The following SAMMSON variants were observed in gnomAD, a reference collection of about 807,000 sequenced individuals.
The protein encoded by SAMMSON is long intergenic non-protein coding RNA 1212.
chr3:70,378,805 G>A (rs1384751057), intron 9 of SAMMSON, among the ~76,000 whole-genome samples: 3 of 151,882 alleles, frequency 2.0e-5, no homozygotes, highest in Non-Finnish European at 2.9e-5. Context: ...CATATGCAAT[G>A]ACAAAAATAG....
intron 7 of SAMMSON, among the ~76,000 whole-genome samples, chr3:70,293,324 A>G (rs907656025): frequency 3.3e-5 from 5 of 152,146 alleles, no homozygotes; most frequent in African/African-American, 7.2e-5. Flanking sequence ...ACTGTGATAT[A>G]GTTGTATATG....
intron 6 of SAMMSON, among the ~76,000 whole-genome samples, chr3:70,278,845 A>G (rs1702053990): frequency 6.6e-6 from 1 of 151,944 alleles, no homozygotes; most frequent in Non-Finnish European, 1.5e-5. Context: ...AGCCACCTCA[A>G]ATCAAAGGGT....
At chr3:70,166,189 TATG>T (rs1209105186) in intron 4 of SAMMSON, among the ~76,000 whole-genome samples, 4 of 152,120 alleles carry the variant, frequency 2.6e-5, no homozygotes, top group Non-Finnish European at 2.9e-5. Flanking sequence ...AGCTCTGCAG[TATG>T]ATATTAGGCA....
At chr3:70,218,320 T>C (rs1701433615) in intron 4 of SAMMSON, among the ~76,000 whole-genome samples, 1 of 152,178 alleles carries the variant, frequency 6.6e-6, no homozygotes, top group South Asian at 2.1e-4. Context: ...TGTGTATGCA[T>C]GTGCACATGG....
At chr3:70,374,000 C>T (rs902698657) in intron 9 of SAMMSON, among the ~76,000 whole-genome samples, 10 of 152,126 alleles carry the variant, frequency 6.6e-5, no homozygotes, top group East Asian at 1.9e-4. Flanking sequence ...CTGCAACCTC[C>T]GCCTCCCAGG....
At chr3:70,101,397 T>A (rs932749956) in intron 4 of SAMMSON, among the ~76,000 whole-genome samples, 15 of 150,886 alleles carry the variant, frequency 9.9e-5, no homozygotes, top group Admixed American at 9.2e-4. Context: ...ACATTTTTTA[T>A]GAAAAAAAAA....
At chr3:70,233,633 C>T (rs1023916781) in intron 4 of SAMMSON, among the ~76,000 whole-genome samples, 14 of 152,288 alleles carry the variant, frequency 9.2e-5, no homozygotes, top group Non-Finnish European at 1.5e-4. Context: ...TTCCCTATGT[C>T]CTTTTGTAAT....
At chr3:70,077,404 A>G (rs1250260629) in intron 4 of SAMMSON, among the ~76,000 whole-genome samples, 1 of 152,194 alleles carries the variant, frequency 6.6e-6, no homozygotes, top group African/African-American at 2.4e-5. Flanking sequence ...ATAACACTAT[A>G]TGTTTTTTGA....
intron 4 of SAMMSON, among the ~76,000 whole-genome samples, chr3:70,153,647 T>C (rs2067580311): frequency 6.6e-6 from 1 of 152,034 alleles, no homozygotes; most frequent in Non-Finnish European, 1.5e-5. Flanking sequence ...CTATATTAAA[T>C]ATATTCTATA....
intron 2 of SAMMSON, among the ~76,000 whole-genome samples, chr3:70,397,853 C>T (rs1043054413): frequency 6.6e-6 from 1 of 152,164 alleles, no homozygotes; most frequent in African/African-American, 2.4e-5. Flanking sequence ...ATTAGACAAA[C>T]TATAACACTA....
At chr3:70,246,684 C>T (rs1701710616) in intron 4 of SAMMSON, among the ~76,000 whole-genome samples, 1 of 151,878 alleles carries the variant, frequency 6.6e-6, no homozygotes, top group Non-Finnish European at 1.5e-5. Context: ...GGACACAATA[C>T]TAAAAAAAAT....
At chr3:70,132,694 C>G (rs2067487210) in intron 4 of SAMMSON, among the ~76,000 whole-genome samples, 1 of 150,802 alleles carries the variant, frequency 6.6e-6, no homozygotes, top group Non-Finnish European at 1.5e-5. Context: ...ATAATCCCAG[C>G]ACTTTCGGAG....
intron 3 of SAMMSON, among the ~76,000 whole-genome samples, chr3:70,032,807 A>T (rs576297355): frequency 6.6e-6 from 1 of 152,208 alleles, no homozygotes; most frequent in Non-Finnish European, 1.5e-5. Flanking sequence ...ACTACAATCA[A>T]CTATAGGAAG....
intron 2 of SAMMSON, among the ~76,000 whole-genome samples, chr3:70,406,698 A>G (rs1480118183): frequency 6.6e-6 from 1 of 152,246 alleles, no homozygotes; most frequent in African/African-American, 2.4e-5. Flanking sequence ...TCATTAAAAT[A>G]TAAAGCAAAT....
At chr3:70,026,161 T>A (rs2067036368) in intron 3 of SAMMSON, among the ~76,000 whole-genome samples, 1 of 152,230 alleles carries the variant, frequency 6.6e-6, no homozygotes, top group South Asian at 2.1e-4. Context: ...GGTGCTAAGT[T>A]ATTTTATGAA....
chr3:70,403,609 C>T (rs938901615), intron 2 of SAMMSON, among the ~76,000 whole-genome samples: 10 of 152,198 alleles, frequency 6.6e-5, no homozygotes, highest in African/African-American at 2.2e-4. Flanking sequence ...TTTTCTATGG[C>T]CCCTTTCACA....
At chr3:70,322,933 A>C (rs1702548367) in intron 7 of SAMMSON, among the ~76,000 whole-genome samples, 1 of 152,148 alleles carries the variant, frequency 6.6e-6, no homozygotes, top group South Asian at 2.1e-4. Context: ...AATGTTATAC[A>C]AATTCTAAGG....
chr3:70,123,104 C>A (rs1054115888), intron 4 of SAMMSON, among the ~76,000 whole-genome samples: 9 of 152,264 alleles, frequency 5.9e-5, no homozygotes, highest in Admixed American at 2.6e-4. Context: ...TGTTAGAGCA[C>A]AGATGATGGG....
chr3:70,112,412 G>C (rs549750067), intron 4 of SAMMSON, among the ~76,000 whole-genome samples: 189 of 152,178 alleles, frequency 1.2e-3, no homozygotes, highest in Non-Finnish European at 1.1e-3. Context: ...CTAAAGGAGG[G>C]GCTTCGGGGA....
Sources: gnomAD v4.1 joint callset for allele counts (sites outside exome capture counted in the v4.1 genomes callset) on GRCh38, gnomAD v4.1.1 for gene constraint, MANE v1.5 for transcripts, NCBI Gene and HGNC (gene_info 2026-07-23, HGNC 2026-07-21) for gene names.